The following NPAS3 variants were observed in gnomAD, a reference collection of about 807,000 sequenced individuals.
The protein encoded by NPAS3 is neuronal PAS domain-containing protein 3.
Under a neutral mutation model 73.1 loss-of-function variants are expected in NPAS3, and 14 were observed. That is an observed-to-expected ratio of 0.19 (90% CI 0.13 to 0.30). The LOEUF (loss-of-function observed/expected upper bound fraction) is 0.30. Among genes scored for constraint, NPAS3 ranks in the 10% least tolerant of loss-of-function variants. NPAS3 has a pLI of 1.00. For missense variants in NPAS3, 1,096 were observed against 1,250.0 expected (o/e 0.88, Z 1.86); for synonymous variants, 620 against 541.5 (o/e 1.14, Z -2.01).
intron 5 of NPAS3, among the ~76,000 whole-genome samples, chr14:33,644,857 C>A (rs376507172): frequency 1.3e-5 from 2 of 151,906 alleles, no homozygotes; most frequent in East Asian, 3.9e-4. Context: ...CAGAGGCGGG[C>A]GGATCACAAG....
chr14:33,643,533 G>T (rs756971214), intron 5 of NPAS3, among the ~76,000 whole-genome samples: 10 of 152,142 alleles, frequency 6.6e-5, no homozygotes, highest in Non-Finnish European at 8.8e-5. Context: ...CTCGGAGTTT[G>T]CCATTTGAGA....
chr14:33,221,197 A>C (rs914820871), intron 3 of NPAS3, among the ~76,000 whole-genome samples: 1 of 152,166 alleles, frequency 6.6e-6, no homozygotes, highest in African/African-American at 2.4e-5. Flanking sequence ...AAGGTGTAAG[A>C]AGGGTGAACA....
intron 4 of NPAS3, among the ~76,000 whole-genome samples, chr14:33,420,196 A>G (rs1229089554): frequency 6.6e-6 from 1 of 151,934 alleles, no homozygotes; most frequent in African/African-American, 2.4e-5. Flanking sequence ...CACATTTGCC[A>G]AGTAAGGATT....
At chr14:33,218,491 G>T (rs184838932) in intron 3 of NPAS3, among the ~76,000 whole-genome samples, 52 of 152,048 alleles carry the variant, frequency 3.4e-4, no homozygotes, top group African/African-American at 1.2e-3. Flanking sequence ...ATTTATTAAG[G>T]TCTTCTATGT....
At chr14:33,645,624 C>G (rs2058807907) in intron 5 of NPAS3, among the ~76,000 whole-genome samples, 1 of 152,204 alleles carries the variant, frequency 6.6e-6, no homozygotes, top group African/African-American at 2.4e-5. Context: ...TAAGGCTTTA[C>G]AGCAGAGAGG....
intron 3 of NPAS3, among the ~76,000 whole-genome samples, chr14:33,343,296 T>G (rs17100708): frequency 0.026 from 3,967 of 152,244 alleles, 196 homozygotes; most frequent in East Asian, 0.21. Flanking sequence ...TCCTGCTTTC[T>G]TTTTTTCTCA....
intron 1 of NPAS3, among the ~76,000 whole-genome samples, chr14:32,958,768 A>T (rs2036784192): frequency 6.6e-6 from 1 of 152,252 alleles, no homozygotes; most frequent in Non-Finnish European, 1.5e-5. Context: ...GTACATGCTC[A>T]GTATATTATA....
intron 4 of NPAS3, among the ~76,000 whole-genome samples, chr14:33,474,291 C>T (rs1274296039): frequency 3.3e-5 from 5 of 151,940 alleles, no homozygotes; most frequent in Admixed American, 3.3e-4. Context: ...GAAGTTTGAC[C>T]ATAAATATGT....
At chr14:33,046,785 G>T (rs1410143969) in intron 1 of NPAS3, among the ~76,000 whole-genome samples, 8 of 152,140 alleles carry the variant, frequency 5.3e-5, no homozygotes, top group Admixed American at 4.6e-4. Context: ...AGACCAGCCT[G>T]GCCAACATGG....
chr14:33,145,420 T>G (rs1340906002), intron 2 of NPAS3, among the ~76,000 whole-genome samples: 1 of 152,254 alleles, frequency 6.6e-6, no homozygotes, highest in Admixed American at 6.5e-5. Context: ...ACCTTTTTTC[T>G]CCTTTGCAAA....
Position 33,799,590 on chromosome 14 carries a change from G to A in NPAS3, c.1427-144G>A, listed in dbSNP as rs1007556918. On this transcript the variant is annotated intron_variant, in intron 11 of 11. Transcript: ENST00000356141. ...AGGTCTTAAGTCCTCTGAAGGTGAT[G>A]GAGAAGCCCGTGATGAGGACGGACA... 4.7e-5 allele frequency: 37 copies of A among 786,228 alleles called. 1 individual carries two copies. The highest frequency in any genetic ancestry group is 7.5e-5 in the Non-Finnish European group (37 of 496,360). The allele number at this position is 786,228 out of a possible 1,614,324, so 48.7% of individuals were successfully genotyped here. A position where few individuals can be genotyped will look rare whatever the true frequency, so the allele number is the denominator to read the frequency against.
intron 1 of NPAS3, among the ~76,000 whole-genome samples, chr14:32,991,899 G>C (rs1404075713): frequency 6.6e-6 from 1 of 152,078 alleles, no homozygotes; most frequent in African/African-American, 2.4e-5. Flanking sequence ...GTCTCTCTCG[G>C]GTGAACTCAC....
At chr14:33,431,634 A>G (rs1265074517) in intron 4 of NPAS3, among the ~76,000 whole-genome samples, 5 of 152,192 alleles carry the variant, frequency 3.3e-5, no homozygotes, top group African/African-American at 1.2e-4. Flanking sequence ...AAATGTCAAT[A>G]TCTTCTTTAG....
At chr14:33,328,618 C>G (rs529205270) in intron 3 of NPAS3, among the ~76,000 whole-genome samples, 1 of 151,370 alleles carries the variant, frequency 6.6e-6, no homozygotes, top group African/African-American at 2.4e-5. Context: ...CCACCACGCC[C>G]GGCTAATTTT....
chr14:33,744,810 T>C (rs907837926), intron 7 of NPAS3, among the ~76,000 whole-genome samples: 3 of 151,130 alleles, frequency 2.0e-5, no homozygotes, highest in African/African-American at 4.9e-5. Context: ...ATAATAATAA[T>C]AATAATAATG....
intron 5 of NPAS3, among the ~76,000 whole-genome samples, chr14:33,641,075 C>G (rs919797063): frequency 9.9e-5 from 15 of 152,152 alleles, no homozygotes; most frequent in African/African-American, 3.6e-4. Flanking sequence ...CTAAAACAAA[C>G]ATGTATTTCT....
intron 3 of NPAS3, among the ~76,000 whole-genome samples, chr14:33,224,248 T>C (rs2047540091): frequency 6.6e-6 from 1 of 152,168 alleles, no homozygotes; most frequent in East Asian, 1.9e-4. Context: ...GCACAATATA[T>C]AGTTCCAGTG....
At chr14:33,413,471 A>G in intron 4 of NPAS3, among the ~76,000 whole-genome samples, 1 of 152,022 alleles carries the variant, frequency 6.6e-6, no homozygotes, top group East Asian at 1.9e-4. Flanking sequence ...TTGGAGATAG[A>G]TATTGATTTT....
At chr14:33,231,492 C>G (rs2047849600) in intron 3 of NPAS3, among the ~76,000 whole-genome samples, 1 of 152,058 alleles carries the variant, frequency 6.6e-6, no homozygotes, top group Non-Finnish European at 1.5e-5. Context: ...CCAGGTATGA[C>G]TTTTTGGTTT....
Sources: gnomAD v4.1 joint callset for allele counts (sites outside exome capture counted in the v4.1 genomes callset) on GRCh38, gnomAD v4.1.1 for gene constraint, MANE v1.5 for transcripts, NCBI Gene and HGNC (gene_info 2026-07-23, HGNC 2026-07-21) for gene names.